PVT1: variants seen among roughly 807,000 people sequenced by gnomAD.
PVT1 encodes the protein CXCR4/PVT1 fusion.
At position 127,971,285 on chromosome 8, in the gene PVT1, C is replaced by A. The variant is rs149927765; in HGVS notation, n.783-17877C>A. ...GTCCCTACACAGCTGGCATTCACCTCCAGGTCTGCCTGACCCTGAAGCCTG... is the reference window on the plus strand; with the variant it reads ...GTCCCTACACAGCTGGCATTCACCTACAGGTCTGCCTGACCCTGAAGCCTG... On this transcript the variant is annotated intron_variant and non_coding_transcript_variant, in intron 3 of 10. Coordinates refer to ENST00000651587, the Ensembl canonical transcript of PVT1. 4.6e-5 allele frequency among the ~76,000 whole-genome samples: 7 copies of A among 152,348 alleles called. No homozygotes were observed. The East Asian group carries it at 1.3e-3, about 29-fold the overall frequency.
intron 4 of PVT1, among the ~76,000 whole-genome samples, chr8:128,025,227 G>T (rs1817479747): frequency 6.6e-6 from 1 of 152,184 alleles, no homozygotes; most frequent in Non-Finnish European, 1.5e-5. Flanking sequence ...GGGTACGGAA[G>T]CAGGATGCCT....
At chr8:128,100,416 T>A (rs1814489532) in intron 6 of PVT1, among the ~76,000 whole-genome samples, 1 of 152,078 alleles carries the variant, frequency 6.6e-6, no homozygotes, top group African/African-American at 2.4e-5. Context: ...TAACTTGTGT[T>A]TAAGTACAAC....
intron 5 of PVT1, among the ~76,000 whole-genome samples, chr8:128,088,455 G>A (rs1286375918): frequency 6.6e-6 from 1 of 152,190 alleles, no homozygotes; most frequent in Non-Finnish European, 1.5e-5. Context: ...GCAGGGGTTG[G>A]GGGATGGAGG....
chr8:127,865,196 C>A (rs563023503), intron 2 of PVT1, among the ~76,000 whole-genome samples: 2 of 152,174 alleles, frequency 1.3e-5, no homozygotes. Flanking sequence ...TTGAAATCAT[C>A]CAGGGGTCAC....
intron 3 of PVT1, among the ~76,000 whole-genome samples, chr8:127,900,030 GTTTA>G (rs773721001): frequency 6.6e-6 from 1 of 151,930 alleles, no homozygotes; most frequent in Admixed American, 6.6e-5. Context: ...ATTTTATTTT[GTTTA>G]TTTATTTATT....
intron 5 of PVT1, among the ~76,000 whole-genome samples, chr8:128,091,554 G>C (rs761362371): frequency 6.6e-6 from 1 of 152,066 alleles, no homozygotes; most frequent in Admixed American, 6.6e-5. Flanking sequence ...TTCTTCATTC[G>C]TGATAACTCT....
intron 4 of PVT1, among the ~76,000 whole-genome samples, chr8:128,069,338 A>T (rs895755645): frequency 6.6e-6 from 1 of 152,156 alleles, no homozygotes; most frequent in African/African-American, 2.4e-5. Flanking sequence ...TTACCATAGA[A>T]TAAAGTAAAA....
intron 3 of PVT1, among the ~76,000 whole-genome samples, chr8:127,959,686 TAA>T (rs1816615683): frequency 1.3e-5 from 2 of 151,940 alleles, no homozygotes; most frequent in South Asian, 4.1e-4. Flanking sequence ...CAGACATCTT[TAA>T]TGGGCCAGAG....
intron 2 of PVT1, among the ~76,000 whole-genome samples, chr8:127,834,504 G>A (rs1586399335): frequency 6.6e-6 from 1 of 152,212 alleles, no homozygotes; most frequent in East Asian, 1.9e-4. Flanking sequence ...CAGGACATAG[G>A]CATGGGCAAA....
intron 3 of PVT1, among the ~76,000 whole-genome samples, chr8:127,929,238 T>C (rs1468060628): frequency 6.7e-6 from 1 of 149,908 alleles, no homozygotes; most frequent in Non-Finnish European, 1.5e-5. Flanking sequence ...AAAGCTGGCA[T>C]GAGCAAATGA....
chr8:127,826,245 GAAT>G (rs763560141), intron 2 of PVT1, among the ~76,000 whole-genome samples: 2 of 151,574 alleles, frequency 1.3e-5, no homozygotes, highest in African/African-American at 2.4e-5. Context: ...TGTAAAATGG[GAAT>G]AATAATAATA....
At chr8:128,052,277 C>G (rs766162100) in intron 4 of PVT1, among the ~76,000 whole-genome samples, 3 of 151,740 alleles carry the variant, frequency 2.0e-5, no homozygotes, top group Non-Finnish European at 4.4e-5. Flanking sequence ...CTGTAGCATG[C>G]GTCTGTGAAG....
At chr8:127,813,210 A>C (rs374313193) in intron 2 of PVT1, among the ~76,000 whole-genome samples, 5 of 54,614 alleles carry the variant, frequency 9.2e-5, no homozygotes, top group Non-Finnish European at 1.5e-4. Flanking sequence ...ATAATATACA[A>C]ATATATATAT....
At chr8:128,098,042 G>A (rs1025043670) in intron 6 of PVT1, among the ~76,000 whole-genome samples, 14 of 152,284 alleles carry the variant, frequency 9.2e-5, no homozygotes, top group African/African-American at 2.9e-4. Flanking sequence ...CCATGAGCCA[G>A]GCCTGAAGTT....
At position 127,888,970 on chromosome 8, in the gene PVT1, G is replaced by T. The variant is rs139039448; in HGVS notation, n.373-1619G>T. The stretch of plus-strand genomic sequence containing the variant: ...TGATGGAAGTTGGAGCAGTGGTCAA[G>T]CTCGTGGGCTTTGGAGCCAGTCTGC... On this transcript the variant is annotated intron_variant and non_coding_transcript_variant, in intron 2 of 10. Coordinates refer to ENST00000651587, the Ensembl canonical transcript of PVT1. 3.7e-3 allele frequency among the ~76,000 whole-genome samples: 569 copies of T among 152,288 alleles called. 1 individual carries two copies. Among genetic ancestry groups the T allele is most frequent in the Admixed American group, 6.5e-3 (99 of 15,294 alleles).
At chr8:127,807,324 T>A (rs556950011) in intron 2 of PVT1, among the ~76,000 whole-genome samples, 10 of 152,362 alleles carry the variant, frequency 6.6e-5, no homozygotes, top group Non-Finnish European at 1.2e-4. Context: ...TTGCTTTTTT[T>A]AAATTCAATT....
intron 2 of PVT1, among the ~76,000 whole-genome samples, chr8:127,844,009 G>A (rs1379339277): frequency 1.3e-5 from 2 of 151,656 alleles, no homozygotes; most frequent in African/African-American, 2.4e-5. Context: ...TTGAGACGGA[G>A]TCTTGCTCTG....
At chr8:127,873,012 G>A (rs552611238) in intron 2 of PVT1, among the ~76,000 whole-genome samples, 1 of 152,110 alleles carries the variant, frequency 6.6e-6, no homozygotes, top group South Asian at 2.1e-4. Context: ...ACTGAGCCCC[G>A]CATGGTTCCT....
intron 2 of PVT1, among the ~76,000 whole-genome samples, chr8:127,826,665 CA>C (rs1348970105): frequency 6.6e-6 from 1 of 152,148 alleles, no homozygotes; most frequent in Non-Finnish European, 1.5e-5. Context: ...GAAGGGTGCA[CA>C]AAGAAAATGG....
Sources: gnomAD v4.1 joint callset for allele counts (sites outside exome capture counted in the v4.1 genomes callset) on GRCh38, gnomAD v4.1.1 for gene constraint, MANE v1.5 for transcripts, NCBI Gene and HGNC (gene_info 2026-07-23, HGNC 2026-07-21) for gene names.